The following OR1J2 variants were observed in gnomAD, a reference collection of about 807,000 sequenced individuals.
The protein encoded by OR1J2 is olfactory receptor family 1 subfamily J member 2.
For missense variants in OR1J2, 304 were observed against 246.1 expected (o/e 1.24, Z -1.57); for synonymous variants, 142 against 99.7 (o/e 1.42, Z -2.52).
the OR1J2 span, among the ~76,000 whole-genome samples, chr9:122,485,393 CT>C: frequency 6.6e-6 from 1 of 152,216 alleles, no homozygotes; most frequent in Admixed American, 6.5e-5. Context: ...ACCCCCACAT[CT>C]TCATAGATTG....
the OR1J2 span, among the ~76,000 whole-genome samples, chr9:122,540,376 C>A: frequency 2.0e-5 from 3 of 152,180 alleles, no homozygotes; most frequent in Admixed American, 6.5e-5. Flanking sequence ...ATAGGGAGTC[C>A]TTTCCCCACT....
chr9:122,580,385 C>T, the OR1J2 span, among the ~76,000 whole-genome samples: 1,408 of 152,192 alleles, frequency 9.3e-3, 19 homozygotes, highest in African/African-American at 0.031. Context: ...GAATGAATGC[C>T]GAGTGCCAAT....
the OR1J2 span, among the ~76,000 whole-genome samples, chr9:122,517,768 T>TA: frequency 1.3e-5 from 2 of 152,108 alleles, no homozygotes; most frequent in African/African-American, 4.8e-5. Flanking sequence ...GCAGGTTCGT[T>TA]ACACAGGTAA....
the OR1J2 span, among the ~76,000 whole-genome samples, chr9:122,451,640 G>A: frequency 6.6e-6 from 1 of 152,032 alleles, no homozygotes; most frequent in African/African-American, 2.4e-5. Flanking sequence ...TTTTATTCTG[G>A]CAACCATTTT....
At chr9:122,499,344 T>A in the OR1J2 span, among the ~76,000 whole-genome samples, 2,145 of 152,298 alleles carry the variant, frequency 0.014, 38 homozygotes, top group Non-Finnish European at 0.024. Context: ...AGGGCTCAGA[T>A]CCCTGGAGAT....
At chr9:122,544,095 A>G in the OR1J2 span, among the ~76,000 whole-genome samples, 2 of 152,220 alleles carry the variant, frequency 1.3e-5, no homozygotes, top group Admixed American at 6.5e-5. Context: ...ATGTATGCAT[A>G]GATCAAAACA....
At chr9:122,573,848 G>A in the OR1J2 span, among the ~76,000 whole-genome samples, 1 of 152,082 alleles carries the variant, frequency 6.6e-6, no homozygotes, top group Admixed American at 6.6e-5. Context: ...TTTCTCTTAT[G>A]TTATCCTCTA....
At chr9:122,472,729 G>A in the OR1J2 span, among the ~76,000 whole-genome samples, 2 of 152,104 alleles carry the variant, frequency 1.3e-5, no homozygotes, top group African/African-American at 4.8e-5. Context: ...ACCATAATCT[G>A]CAATCAGGAG....
the OR1J2 span, chr9:122,553,183 A>G: frequency 1.2e-6 from 2 of 1,606,068 alleles, no homozygotes; most frequent in African/African-American, 2.7e-5. Context: ...GAAGGTTTTT[A>G]TCTGCGCAGA....
chr9:122,579,287 TTTAA>T, the OR1J2 span, among the ~76,000 whole-genome samples: 3 of 151,916 alleles, frequency 2.0e-5, no homozygotes, highest in Non-Finnish European at 2.9e-5. Flanking sequence ...TTTGAAACAT[TTTAA>T]TTGAGTTATA....
At chr9:122,502,532 C>T in the OR1J2 span, among the ~76,000 whole-genome samples, 1 of 152,170 alleles carries the variant, frequency 6.6e-6, no homozygotes, top group African/African-American at 2.4e-5. Context: ...ATGGTTGCTG[C>T]AAGAGCAGCC....
At chr9:122,476,700 A>T in the OR1J2 span, among the ~76,000 whole-genome samples, 2 of 151,436 alleles carry the variant, frequency 1.3e-5, no homozygotes, top group Admixed American at 6.6e-5. Flanking sequence ...TTACTCAATA[A>T]TTTTTTTTTC....
At chr9:122,530,292 G>T in the OR1J2 span, among the ~76,000 whole-genome samples, 1 of 152,174 alleles carries the variant, frequency 6.6e-6, no homozygotes, top group African/African-American at 2.4e-5. Flanking sequence ...ACCTAACCAA[G>T]ATCTCTGGGA....
At chr9:122,472,021 G>T in the OR1J2 span, among the ~76,000 whole-genome samples, 1 of 152,126 alleles carries the variant, frequency 6.6e-6, no homozygotes, top group Admixed American at 6.6e-5. Flanking sequence ...CAATAAAGCA[G>T]CCAAAAATAC....
At chr9:122,466,801 G>T in the OR1J2 span, among the ~76,000 whole-genome samples, 7 of 152,044 alleles carry the variant, frequency 4.6e-5, no homozygotes, top group Non-Finnish European at 8.8e-5. Context: ...TGAGTGAAAT[G>T]ATCCTTCAAA....
chr9:122,530,726 G>A, the OR1J2 span, among the ~76,000 whole-genome samples: 5 of 152,290 alleles, frequency 3.3e-5, no homozygotes, highest in South Asian at 1.0e-3. Context: ...GGAGATAGGA[G>A]TGGGGCCGTT....
the OR1J2 span, among the ~76,000 whole-genome samples, chr9:122,546,429 G>A: frequency 1.9e-4 from 29 of 152,246 alleles, 2 homozygotes; most frequent in South Asian, 4.6e-3. Context: ...AGCAGCTTCC[G>A]CCTTGGTCTC....
At chr9:122,532,937 C>G in the OR1J2 span, among the ~76,000 whole-genome samples, 1 of 151,940 alleles carries the variant, frequency 6.6e-6, no homozygotes, top group Non-Finnish European at 1.5e-5. Context: ...AGAATTATGC[C>G]GAGATAGGTA....
the OR1J2 span, among the ~76,000 whole-genome samples, chr9:122,550,634 A>G: frequency 6.6e-6 from 1 of 152,160 alleles, no homozygotes; most frequent in African/African-American, 2.4e-5. Context: ...CATAAACAGA[A>G]TTTAAAATAA....
Sources: allele counts gnomAD v4.1 joint callset (sites outside exome capture counted in the v4.1 genomes callset), GRCh38; gene constraint gnomAD v4.1.1; transcripts MANE v1.5; gene names NCBI Gene and HGNC (gene_info 2026-07-23, HGNC 2026-07-21).